USP3: variants seen among roughly 807,000 people sequenced by gnomAD.
USP3 encodes the protein ubiquitin specific peptidase 3, also known as ubiquitin carboxyl-terminal hydrolase 3.
USP3 carries 20 observed loss-of-function variants against 72.3 expected under a neutral mutation model. That is an observed-to-expected ratio of 0.28 (90% CI 0.19 to 0.40). USP3 has a LOEUF of 0.40. USP3 is among the 10% of genes least tolerant of loss of function. The probability of loss-of-function intolerance (pLI) is 1.00; values close to 1 mark genes in which losing one functional copy is unlikely to be tolerated. For missense variants in USP3, 479 were observed against 633.9 expected (o/e 0.76, Z 2.62); for synonymous variants, 222 against 225.3 (o/e 0.99, Z 0.13).
At chr15:63,505,494 G>A (rs1469697909) in intron 1 of USP3, among the ~76,000 whole-genome samples, 1 of 152,244 alleles carries the variant, frequency 6.6e-6, no homozygotes, top group African/African-American at 2.4e-5. Context: ...CGGAGGCTGA[G>A]CCAACAGCTG....
intron 3 of USP3, among the ~76,000 whole-genome samples, chr15:63,545,209 A>T (rs2066302393): frequency 6.6e-6 from 1 of 152,202 alleles, no homozygotes; most frequent in Non-Finnish European, 1.5e-5. Flanking sequence ...CTCCTTAATT[A>T]TATAATAGAA....
chr15:63,564,384 G>A (rs1352325303), intron 8 of USP3, among the ~76,000 whole-genome samples: 1 of 152,140 alleles, frequency 6.6e-6, no homozygotes, highest in Admixed American at 6.5e-5. Flanking sequence ...GGTGTTTGTG[G>A]AGTTGGCTAA....
Position 63,574,401 on chromosome 15 carries a change from G to A in USP3, c.1094G>A (p.Arg365Gln), listed in dbSNP as rs766732707. The A allele has an allele frequency of 2.7e-5, 43 of 1,601,188 alleles. No homozygotes were observed. The highest frequency in any genetic ancestry group is 3.1e-5 in the Non-Finnish European group (37 of 1,175,234). The change falls in exon 11 of 15, where the codon CGA becomes CAA. Residue 365 changes from arginine (R) to glutamine (Q), a missense_variant and splice_region_variant. Physicochemically the swap from Arg to Gln is conservative, Grantham distance 43. Transcript: ENST00000380324. This position sits in a 1 kb window ranked among gnomAD's most constrained non-coding sequence, Gnocchi z 4.6. ...GAAAATGGACCAGTTTGTTCGTTAC[G>A]AGGTAAAGATACTTGAATGTTCTAA... ...NQENGPVCSL[R>Q]DCLRSFTDLE...
At chr15:63,578,506 G>A (rs986257806) in intron 11 of USP3, among the ~76,000 whole-genome samples, 1 of 151,446 alleles carries the variant, frequency 6.6e-6, no homozygotes, top group African/African-American at 2.4e-5. Flanking sequence ...CACCTACTCA[G>A]GAGGCTGAGG....
In USP3 at chr15:63,558,194, G is replaced by A. The variant is rs747833954; in HGVS notation, c.533+6G>A. The A allele has an allele frequency of 4.3e-6, 7 of 1,613,756 alleles. No homozygotes were observed. Among genetic ancestry groups the A allele is most frequent in the Non-Finnish European group, 5.1e-6 (6 of 1,179,962 alleles). On this transcript the variant is annotated splice_donor_region_variant and intron_variant, in intron 6 of 14. Coordinates refer to ENST00000380324, the MANE Select transcript of USP3 (RefSeq NM_006537.4). ...GCCATCCTTCAGTCACTCAGGTAAC[G>A]CTACAGTCAGAGCTTAAGTGTCTGA... is the stretch of plus-strand genomic sequence containing the variant.
intron 14 of USP3, 132 bp downstream of exon 14, chr15:63,589,143 T>G: frequency 9.6e-7 from 1 of 1,044,664 alleles, no homozygotes; most frequent in Non-Finnish European, 1.4e-6. Context: ...TTTCCTTCAG[T>G]TTTGGTGCGG....
At chr15:63,543,068 TTGAAAA>T (rs146412515) in intron 3 of USP3, among the ~76,000 whole-genome samples, 7,284 of 152,198 alleles carry the variant, frequency 0.048, 193 homozygotes, top group Middle Eastern at 0.099. Flanking sequence ...TAGTCATCAG[TTGAAAA>T]TGGAAATGAC....
At chr15:63,573,442 G>A (rs988045216) in intron 9 of USP3, among the ~76,000 whole-genome samples, 1 of 152,154 alleles carries the variant, frequency 6.6e-6, no homozygotes. Flanking sequence ...GAAATTATTT[G>A]CAATATTAAG....
Position 63,588,445 on chromosome 15 carries a change from A to C in USP3, c.1215+22A>C. On this transcript the variant is annotated intron_variant, in intron 12 of 14. Coordinates refer to ENST00000380324, the MANE Select transcript of USP3 (RefSeq NM_006537.4). This position sits in a 1 kb window ranked among gnomAD's most constrained non-coding sequence, Gnocchi z 4.6. The stretch of plus-strand genomic sequence containing the variant: ...CAAGGTGAGTGTTGAATTTTGAGTT[A>C]TGAAGCAATTTCAATGGGAAAGTGC... 1 of 1,539,652 alleles carries C rather than the reference A, an allele frequency of 6.5e-7. No homozygotes were observed. The highest frequency in any genetic ancestry group is 1.4e-5 in the African/African-American group (1 of 72,384).
intron 11 of USP3, among the ~76,000 whole-genome samples, chr15:63,584,738 C>T (rs972264355): frequency 3.9e-5 from 6 of 151,950 alleles, no homozygotes; most frequent in Admixed American, 3.3e-4. Flanking sequence ...TTATAGTATC[C>T]CTCAATACAC....
At chr15:63,536,920 T>C (rs895419007) in intron 2 of USP3, 105 bp from the exon 3 acceptor site, 28 of 1,231,024 alleles carry the variant, frequency 2.3e-5, no homozygotes, top group Middle Eastern at 2.8e-4. Flanking sequence ...ACTGCTGTTA[T>C]AGGATTTCTT....
In USP3 at chr15:63,511,999, C is replaced by T. The variant is rs530922626; in HGVS notation, c.91+7169C>T. Among the ~76,000 whole-genome samples, 7 of 149,102 alleles carry T rather than the reference C, an allele frequency of 4.7e-5. No individual in the cohort carries two copies. In the East Asian group the frequency reaches 1.4e-3, roughly 29 times the overall value. On this transcript the variant is annotated intron_variant, in intron 1 of 14. Coordinates refer to ENST00000380324, the MANE Select transcript of USP3 (RefSeq NM_006537.4). ...TGAGATGGAGTCTCACCCTGTTCCC[C>T]AGGCTGGAGTGTGATGGCACGATCT...
At chr15:63,541,532 C>T (rs1207204240) in intron 3 of USP3, among the ~76,000 whole-genome samples, 2 of 152,148 alleles carry the variant, frequency 1.3e-5, no homozygotes, top group African/African-American at 4.8e-5. Flanking sequence ...AATCTTAAAA[C>T]ATAAAAGGCT....
In USP3 at chr15:63,593,684, TGA is replaced by T. The variant is rs2067244710; in HGVS notation, c.*2859_*2860del. 7 of 152,264 alleles carry T rather than the reference TGA, an allele frequency of 4.6e-5. No homozygotes were observed. Among genetic ancestry groups the T allele is most frequent in the Non-Finnish European group, 1.0e-4 (7 of 68,050 alleles). The allele number at this position is 152,264 out of a possible 1,614,324, so 9.4% of individuals were successfully genotyped here. ...ATTGGATCCATCTCAATTGTGCACT[TGA>T]ACAGCAGTGATGTAAATGTGCTTAT... On this transcript the variant is annotated 3_prime_UTR_variant, in exon 15 of 15. Transcript: ENST00000380324.
chr15:63,558,103 C>T lies in USP3; in HGVS notation c.451-3C>T. ...TGATGGCCTCTTCTTGCACCACTTACAGGGAAGCACCACTGCCATTTGTGC... is the reference window on the plus strand; with the variant it reads ...TGATGGCCTCTTCTTGCACCACTTATAGGGAAGCACCACTGCCATTTGTGC... On this transcript the variant is annotated splice_region_variant and splice_polypyrimidine_tract_variant and intron_variant, in intron 5 of 14. Transcript: ENST00000380324. 6.2e-7 allele frequency: 1 copy of T among 1,614,172 alleles called. No homozygotes were observed.
At chr15:63,584,344 C>T (rs753733497) in intron 11 of USP3, among the ~76,000 whole-genome samples, 10 of 152,074 alleles carry the variant, frequency 6.6e-5, no homozygotes, top group Admixed American at 5.2e-4. Context: ...GTGATCTACC[C>T]GCCTCGGCCT....
intron 1 of USP3, among the ~76,000 whole-genome samples, chr15:63,532,249 G>A (rs2066087136): frequency 6.6e-6 from 1 of 152,194 alleles, no homozygotes. Context: ...ATTGTCATTT[G>A]TAGTGGTCTA....
At chr15:63,515,284 C>T (rs887627221) in intron 1 of USP3, among the ~76,000 whole-genome samples, 15 of 152,220 alleles carry the variant, frequency 9.9e-5, no homozygotes, top group African/African-American at 3.4e-4. Context: ...GGAACCATAA[C>T]AAATTTGTTT....
At chr15:63,515,864 G>C (rs1254663535) in intron 1 of USP3, among the ~76,000 whole-genome samples, 2 of 152,152 alleles carry the variant, frequency 1.3e-5, no homozygotes, top group East Asian at 3.8e-4. Context: ...TCTCAGTCCT[G>C]CTGTCCACAG....
Sources: gnomAD v4.1 joint callset for allele counts (sites outside exome capture counted in the v4.1 genomes callset) on GRCh38, gnomAD v4.1.1 for gene constraint, Gnocchi (gnomAD v3.1) non-coding constraint, MANE v1.5 for transcripts, NCBI Gene and HGNC (gene_info 2026-07-23, HGNC 2026-07-21) for gene names.